ROR1: variants seen among roughly 807,000 people sequenced by gnomAD.
The protein encoded by ROR1 is inactive tyrosine-protein kinase transmembrane receptor ROR1.
A neutral mutation model predicts 78.8 loss-of-function variants in ROR1; 19 were observed. The ratio of observed to expected loss-of-function variants is 0.24; its 90% confidence interval spans 0.17 to 0.35. The LOEUF is 0.35. Ranked by LOEUF, ROR1 falls within the 10% of genes least tolerant of loss-of-function variation. ROR1 has a pLI of 1.00. For synonymous variants in ROR1, 386 were observed against 433.6 expected (o/e 0.89, Z 1.36); for missense variants, 917 against 1,177.8 (o/e 0.78, Z 3.24).
intron 1 of ROR1, among the ~76,000 whole-genome samples, chr1:63,936,378 A>G (rs1163468645): frequency 6.6e-6 from 1 of 152,226 alleles, no homozygotes; most frequent in Non-Finnish European, 1.5e-5. Flanking sequence ...CTTCTCCCAC[A>G]GAACAGTCAT....
chr1:64,129,444 G>A (rs906841558), intron 4 of ROR1, among the ~76,000 whole-genome samples: 1 of 152,124 alleles, frequency 6.6e-6, no homozygotes, highest in Non-Finnish European at 1.5e-5. Flanking sequence ...CAATTTTAGG[G>A]GGTGGTTTGA....
intron 1 of ROR1, among the ~76,000 whole-genome samples, chr1:63,933,478 A>G (rs1057136187): frequency 6.6e-6 from 1 of 152,180 alleles, no homozygotes; most frequent in South Asian, 2.1e-4. Flanking sequence ...TAGGTGCTCA[A>G]TAAGTATTTG....
chr1:63,958,915 A>G (rs1266527738), intron 1 of ROR1, among the ~76,000 whole-genome samples: 9 of 152,210 alleles, frequency 5.9e-5, no homozygotes, highest in Admixed American at 1.3e-4. Flanking sequence ...ACATGCCCAC[A>G]TCTACCTGTA....
At chr1:63,973,045 G>A (rs990098882) in intron 1 of ROR1, among the ~76,000 whole-genome samples, 6 of 152,220 alleles carry the variant, frequency 3.9e-5, no homozygotes, top group African/African-American at 1.4e-4. Context: ...GCAGGCTGCT[G>A]CTTCTCTCCT....
chr1:64,177,804 A>C lies in ROR1; in HGVS notation c.1763A>C (p.Asp588Ala). Residue 588 changes from aspartate to alanine, a missense_variant, in exon 9 of 9, where the codon GAC becomes GCC. Around this residue, in one of 3 missense-constraint regions of ROR1, gnomAD observed 835 missense variants for 1,069.8 expected, o/e 0.78. Coordinates refer to ENST00000371079, the MANE Select transcript of ROR1 (RefSeq NM_005012.4). ...DEDGTVKSSL[D>A]HGDFLHIAIQ... ...GATGGGACTGTGAAATCCAGCCTGG[A>C]CCACGGAGATTTTCTGCACATTGCA... 1 of 1,614,132 alleles carries C rather than the reference A, an allele frequency of 6.2e-7. No individual in the cohort carries two copies. The highest frequency in any genetic ancestry group is 8.5e-7 in the Non-Finnish European group (1 of 1,180,006).
rs139930586 is a variant in ROR1 at position 63,787,404 on chromosome 1, ATAT to A, written c.91+12901_91+12903del. 5.6e-3 allele frequency among the ~76,000 whole-genome samples: 850 copies of A among 151,118 alleles called. 8 individuals are homozygous for A. Among genetic ancestry groups the A allele is most frequent in the African/African-American group, 0.02 (810 of 41,064 alleles). On this transcript the variant is annotated intron_variant, in intron 1 of 8. Coordinates refer to ENST00000371079, the MANE Select transcript of ROR1 (RefSeq NM_005012.4). ...GCATTTTGTATTTTGTAGTGGAATC[ATAT>A]TATTTTCTCCCTGTAGAACTATTGC... is the stretch of plus-strand genomic sequence containing the variant.
At chr1:64,043,091 T>C (rs1378603607) in intron 2 of ROR1, among the ~76,000 whole-genome samples, 5 of 152,224 alleles carry the variant, frequency 3.3e-5, no homozygotes, top group East Asian at 3.9e-4. Context: ...GCCATGGCAA[T>C]GGACTGCTCA....
intron 1 of ROR1, among the ~76,000 whole-genome samples, chr1:63,924,138 C>T (rs557278072): frequency 6.6e-6 from 1 of 152,254 alleles, no homozygotes; most frequent in East Asian, 1.9e-4. Context: ...AACCACCTGA[C>T]CTCTCCGTAG....
intron 4 of ROR1, among the ~76,000 whole-genome samples, chr1:64,059,581 C>T (rs151004012): frequency 7.9e-5 from 12 of 151,786 alleles, no homozygotes; most frequent in South Asian, 4.2e-4. Flanking sequence ...TGGTGGCATG[C>T]GCCTGTAATC....
At chr1:63,896,473 T>C (rs1026313591) in intron 1 of ROR1, among the ~76,000 whole-genome samples, 6 of 152,190 alleles carry the variant, frequency 3.9e-5, no homozygotes, top group African/African-American at 1.4e-4. Flanking sequence ...TAACACTTGG[T>C]AGACACTAAA....
At chr1:64,149,470 G>T (rs1649561864) in intron 7 of ROR1, among the ~76,000 whole-genome samples, 1 of 152,030 alleles carries the variant, frequency 6.6e-6, no homozygotes. Context: ...CAGCTCCAGG[G>T]ATATAGGAAT....
At chr1:63,945,001 T>C (rs1433137774) in intron 1 of ROR1, among the ~76,000 whole-genome samples, 1 of 152,140 alleles carries the variant, frequency 6.6e-6, no homozygotes, top group Non-Finnish European at 1.5e-5. Flanking sequence ...CCAGACCAGT[T>C]AGAATCCAGG....
At chr1:64,081,160 A>G (rs1391992479) in intron 4 of ROR1, among the ~76,000 whole-genome samples, 2 of 152,166 alleles carry the variant, frequency 1.3e-5, no homozygotes, top group African/African-American at 4.8e-5. Context: ...CCCAAGGCTG[A>G]GATTTCCCTT....
At chr1:64,117,170 G>A (rs1003642400) in intron 4 of ROR1, among the ~76,000 whole-genome samples, 2 of 152,108 alleles carry the variant, frequency 1.3e-5, no homozygotes, top group South Asian at 4.2e-4. Flanking sequence ...CAACTCAGAG[G>A]AAACTTAGTA....
intron 4 of ROR1, among the ~76,000 whole-genome samples, chr1:64,127,783 C>A (rs1312440728): frequency 6.6e-6 from 1 of 152,146 alleles, no homozygotes; most frequent in Non-Finnish European, 1.5e-5. Context: ...AAAGAATAAA[C>A]CATCTTAACT....
intron 1 of ROR1, among the ~76,000 whole-genome samples, chr1:64,007,918 T>C (rs550380953): frequency 2.0e-5 from 3 of 151,852 alleles, no homozygotes; most frequent in East Asian, 3.9e-4. Context: ...TTCTTGTTAA[T>C]GTAGTATTTT....
chr1:63,837,062 T>A (rs888363147), intron 1 of ROR1, among the ~76,000 whole-genome samples: 1 of 152,190 alleles, frequency 6.6e-6, no homozygotes, highest in South Asian at 2.1e-4. Context: ...CTGTTCCCCA[T>A]AAAGAAAGGT....
chr1:64,006,296 C>T (rs1353961282), intron 1 of ROR1, among the ~76,000 whole-genome samples: 3 of 152,156 alleles, frequency 2.0e-5, no homozygotes, highest in African/African-American at 7.2e-5. Context: ...TGGCTGCCAA[C>T]CTTCTATTCC....
rs548580755 is a variant in ROR1 at position 63,883,489 on chromosome 1, G to A, written c.91+108981G>A. On this transcript the variant is annotated intron_variant, in intron 1 of 8. Coordinates refer to ENST00000371079, the MANE Select transcript of ROR1 (RefSeq NM_005012.4). Reference sequence around the variant, plus strand: ...AAGACACCCCATAAAATATTTGCCCGGGAAAGAAGGCACCTTCCAATAAAA... The same window carrying A: ...AAGACACCCCATAAAATATTTGCCCAGGAAAGAAGGCACCTTCCAATAAAA... 5.3e-5 allele frequency among the ~76,000 whole-genome samples: 8 copies of A among 152,036 alleles called. 1 individual carries two copies. The East Asian group carries it at 9.7e-4, about 18-fold the overall frequency.
Sources: allele counts gnomAD v4.1 joint callset (sites outside exome capture counted in the v4.1 genomes callset), GRCh38; gene constraint gnomAD v4.1.1; regional missense constraint gnomAD v4.1.1; transcripts MANE v1.5; gene names NCBI Gene and HGNC (gene_info 2026-07-23, HGNC 2026-07-21).